The following GALNT13 variants were observed in gnomAD, a reference collection of about 807,000 sequenced individuals.
GALNT13 encodes UDP-GalNAc:polypeptide N-acetylgalactosaminyltransferase 13.
Under a neutral mutation model 64.2 loss-of-function variants are expected in GALNT13, and 28 were observed. The observed-to-expected ratio is 0.44, with a 90% CI of 0.32 to 0.60. GALNT13 has a LOEUF of 0.60. Ranked by LOEUF, GALNT13 falls within the 20% of genes least tolerant of loss-of-function variation. The pLI is 0.05. For missense variants in GALNT13, 577 were observed against 669.8 expected, an observed-to-expected ratio of 0.86 and a Z score of 1.53; for synonymous variants, 214 against 224.6, an observed-to-expected ratio of 0.95 and a Z score of 0.42.
chr2:153,728,527 C>T, the GALNT13 span, among the ~76,000 whole-genome samples: 1 of 151,978 alleles, frequency 6.6e-6, no homozygotes, highest in African/African-American at 2.4e-5. Flanking sequence ...CGCTAAATGC[C>T]CATATCAGAA....
chr2:153,361,605 G>A, the GALNT13 span, among the ~76,000 whole-genome samples: 1 of 151,634 alleles, frequency 6.6e-6, no homozygotes, highest in African/African-American at 2.4e-5. Context: ...AATCAATCAA[G>A]CAGAAGAAAA....
the GALNT13 span, among the ~76,000 whole-genome samples, chr2:153,204,001 A>T: frequency 6.6e-6 from 1 of 152,298 alleles, no homozygotes; most frequent in South Asian, 2.1e-4. Flanking sequence ...TATGAAAGAG[A>T]TGAAGAGATC....
At chr2:153,223,962 T>C in the GALNT13 span, among the ~76,000 whole-genome samples, 1 of 151,856 alleles carries the variant, frequency 6.6e-6, no homozygotes, top group Non-Finnish European at 1.5e-5. Flanking sequence ...AGAGTGAGAC[T>C]CTGTCTCAAA....
chr2:154,075,395 A>G (rs995376683), intron 3 of GALNT13, among the ~76,000 whole-genome samples: 1 of 151,842 alleles, frequency 6.6e-6, no homozygotes, highest in Non-Finnish European at 1.5e-5. Flanking sequence ...CCATACATAA[A>G]ACCAAGTATA....
the GALNT13 span, among the ~76,000 whole-genome samples, chr2:153,618,750 A>T: frequency 6.6e-6 from 1 of 151,504 alleles, no homozygotes; most frequent in African/African-American, 2.4e-5. Context: ...TGCTCAATTG[A>T]CCCTTTTATT....
the GALNT13 span, among the ~76,000 whole-genome samples, chr2:153,664,110 G>T: frequency 6.6e-6 from 1 of 152,292 alleles, no homozygotes; most frequent in East Asian, 1.9e-4. Context: ...GGGTTCAAGA[G>T]CAGACAACTG....
At chr2:154,350,614 A>G (rs1382182632) in intron 9 of GALNT13, among the ~76,000 whole-genome samples, 1 of 152,202 alleles carries the variant, frequency 6.6e-6, no homozygotes, top group African/African-American at 2.4e-5. Flanking sequence ...GTGTCAGTCA[A>G]TACTCCTTAA....
At chr2:154,031,491 C>A (rs2105306929) in intron 3 of GALNT13, among the ~76,000 whole-genome samples, 1 of 151,660 alleles carries the variant, frequency 6.6e-6, no homozygotes, top group South Asian at 2.1e-4. Context: ...GAGCAAGATC[C>A]AAATATATAC....
chr2:153,583,375 C>T, the GALNT13 span, among the ~76,000 whole-genome samples: 1 of 152,156 alleles, frequency 6.6e-6, no homozygotes, highest in South Asian at 2.1e-4. Flanking sequence ...ACGTTATCCA[C>T]TTAGAAGAAC....
chr2:154,067,851 G>T (rs866028907), intron 3 of GALNT13, among the ~76,000 whole-genome samples: 2 of 151,976 alleles, frequency 1.3e-5, no homozygotes, highest in Non-Finnish European at 2.9e-5. Context: ...TGCAACCAAA[G>T]CAAAAATGGA....
chr2:153,676,179 G>C, the GALNT13 span, among the ~76,000 whole-genome samples: 4 of 151,810 alleles, frequency 2.6e-5, no homozygotes, highest in African/African-American at 9.7e-5. Flanking sequence ...TGACCAAAAG[G>C]ACATTACCAT....
chr2:153,416,729 A>G, the GALNT13 span, among the ~76,000 whole-genome samples: 1 of 152,196 alleles, frequency 6.6e-6, no homozygotes, highest in African/African-American at 2.4e-5. Context: ...TTTATTACAT[A>G]CTATGTGCCA....
chr2:153,562,036 C>CCT, the GALNT13 span, among the ~76,000 whole-genome samples: 2 of 120,904 alleles, frequency 1.7e-5, no homozygotes, highest in South Asian at 3.0e-4. Context: ...TCTCCTCTCT[C>CCT]TCTCTTTCTC....
chr2:153,465,871 T>G, the GALNT13 span, among the ~76,000 whole-genome samples: 2 of 152,024 alleles, frequency 1.3e-5, no homozygotes, highest in Non-Finnish European at 2.9e-5. Context: ...AAGTCACATG[T>G]GAGTGAGAAA....
the GALNT13 span, among the ~76,000 whole-genome samples, chr2:153,631,673 A>G: frequency 1.3e-5 from 2 of 152,116 alleles, no homozygotes; most frequent in African/African-American, 4.8e-5. Flanking sequence ...TTTCTTGTAA[A>G]TTTGTTTGAG....
the GALNT13 span, among the ~76,000 whole-genome samples, chr2:153,443,235 G>T: frequency 2.6e-4 from 39 of 152,312 alleles, no homozygotes; most frequent in African/African-American, 9.4e-4. Context: ...GAAAAGTGGA[G>T]TATCTGGGCC....
At chr2:154,404,609 G>A (rs1287898184) in intron 10 of GALNT13, among the ~76,000 whole-genome samples, 1 of 152,090 alleles carries the variant, frequency 6.6e-6, no homozygotes, top group African/African-American at 2.4e-5. Context: ...AGCTGAAAAT[G>A]GGAGAAGTAC....
At chr2:153,536,462 G>GTT in the GALNT13 span, among the ~76,000 whole-genome samples, 1 of 150,076 alleles carries the variant, frequency 6.7e-6, no homozygotes, top group Non-Finnish European at 1.5e-5. Context: ...GTGATTTTGA[G>GTT]TTTTTTTTTT....
At chr2:154,284,897 AT>A (rs1692174425) in intron 8 of GALNT13, among the ~76,000 whole-genome samples, 1 of 152,120 alleles carries the variant, frequency 6.6e-6, no homozygotes, top group Non-Finnish European at 1.5e-5. Flanking sequence ...ACTTATTATC[AT>A]TCATCTTTTT....
Sources: gnomAD v4.1 joint callset for allele counts (sites outside exome capture counted in the v4.1 genomes callset) on GRCh38, gnomAD v4.1.1 for gene constraint, MANE v1.5 for transcripts, NCBI Gene and HGNC (gene_info 2026-07-23, HGNC 2026-07-21) for gene names.